Variants in CAST observed in about 807,000 individuals in gnomAD.
CAST encodes MIR583 host.
CAST carries 76 observed loss-of-function variants against 119.6 expected under a neutral mutation model. The ratio of observed to expected loss-of-function variants is 0.64; its 90% CI spans 0.53 to 0.77. CAST has a LOEUF of 0.77. CAST is among the 30% of genes least tolerant of loss of function. The pLI is 0.00. For synonymous variants in CAST, 319 were observed against 331.6 expected, an observed-to-expected ratio of 0.96 and a Z score of 0.41; for missense variants, 953 against 946.5, an observed-to-expected ratio of 1.01 and a Z score of -0.09.
chr5:96,467,520 T>C, the CAST span, among the ~76,000 whole-genome samples: 56 of 152,242 alleles, frequency 3.7e-4, no homozygotes, highest in Non-Finnish European at 6.9e-4. Context: ...GGATCTAATT[T>C]CATATTTTTC....
chr5:96,119,875 C>T, the CAST span, among the ~76,000 whole-genome samples: 7 of 152,200 alleles, frequency 4.6e-5, no homozygotes, highest in South Asian at 4.2e-4. Context: ...TTTGTGTGAC[C>T]GCTCAGCAGC....
At chr5:96,021,668 T>C in the CAST span, among the ~76,000 whole-genome samples, 41 of 152,164 alleles carry the variant, frequency 2.7e-4, 1 homozygote, top group Middle Eastern at 3.4e-3. Context: ...GGATGGTCTT[T>C]ATCTCCTGAC....
chr5:96,111,558 G>A, the CAST span, among the ~76,000 whole-genome samples: 1 of 152,160 alleles, frequency 6.6e-6, no homozygotes, highest in Non-Finnish European at 1.5e-5. Context: ...CACCTCATTA[G>A]CATAAACTCA....
At chr5:96,600,993 T>C (rs1318083043) in intron 1 of CAST, among the ~76,000 whole-genome samples, 7 of 152,190 alleles carry the variant, frequency 4.6e-5, no homozygotes, top group Non-Finnish European at 7.3e-5. Context: ...GCTTTTCTTC[T>C]GGTTTACGAA....
chr5:96,040,981 G>C, the CAST span, among the ~76,000 whole-genome samples: 3 of 152,066 alleles, frequency 2.0e-5, no homozygotes, highest in Non-Finnish European at 4.4e-5. Flanking sequence ...GTAGAATTCG[G>C]CTGTGAATCC....
At chr5:96,098,145 C>A in the CAST span, among the ~76,000 whole-genome samples, 1 of 152,146 alleles carries the variant, frequency 6.6e-6, no homozygotes, top group Admixed American at 6.5e-5. Flanking sequence ...AGTGTCTGTT[C>A]ATGTCCTTTG....
the CAST span, among the ~76,000 whole-genome samples, chr5:96,475,453 A>G: frequency 1.3e-5 from 2 of 152,214 alleles, no homozygotes; most frequent in Non-Finnish European, 2.9e-5. Context: ...GTCTTGCACC[A>G]AACGATGAGA....
chr5:96,113,752 C>A, the CAST span, among the ~76,000 whole-genome samples: 1 of 152,160 alleles, frequency 6.6e-6, no homozygotes, highest in Non-Finnish European at 1.5e-5. Context: ...CACAGGAGAC[C>A]AGAGAGCTCA....
At chr5:96,259,985 T>G in the CAST span, among the ~76,000 whole-genome samples, 1 of 152,090 alleles carries the variant, frequency 6.6e-6, no homozygotes, top group Admixed American at 6.6e-5. Flanking sequence ...TTTAACAATT[T>G]ACTCCAGGCT....
At chr5:96,434,922 T>C in the CAST span, among the ~76,000 whole-genome samples, 1 of 152,260 alleles carries the variant, frequency 6.6e-6, no homozygotes. Context: ...TTAAGTGTTT[T>C]ACAATAATGT....
intron 9 of CAST, among the ~76,000 whole-genome samples, chr5:96,732,373 G>C (rs550671206): frequency 9.0e-4 from 110 of 122,204 alleles, no homozygotes; most frequent in African/African-American, 3.1e-3. Flanking sequence ...TTGTAAATTT[G>C]TTTGAGTTCA....
At chr5:96,290,211 A>G in the CAST span, among the ~76,000 whole-genome samples, 4 of 152,192 alleles carry the variant, frequency 2.6e-5, no homozygotes, top group Non-Finnish European at 1.5e-5. Context: ...CCACGGTTAT[A>G]TAAAGGATTT....
intron 1 of CAST, among the ~76,000 whole-genome samples, chr5:96,570,176 G>A (rs1746545088): frequency 6.6e-6 from 1 of 152,208 alleles, no homozygotes; most frequent in Non-Finnish European, 1.5e-5. Flanking sequence ...AATATCCTTA[G>A]GAAGAGGACT....
intron 1 of CAST, among the ~76,000 whole-genome samples, chr5:96,547,273 T>C (rs545449237): frequency 6.6e-6 from 1 of 152,108 alleles, no homozygotes; most frequent in Non-Finnish European, 1.5e-5. Context: ...AAGCCAGTGA[T>C]GCAATTCAAT....
At chr5:96,560,148 G>T (rs1010304425) in intron 1 of CAST, among the ~76,000 whole-genome samples, 17 of 152,112 alleles carry the variant, frequency 1.1e-4, no homozygotes, top group Non-Finnish European at 2.2e-4. Context: ...AAACTGGCTA[G>T]CCATATGTAG....
chr5:95,969,330 G>C, the CAST span, among the ~76,000 whole-genome samples: 1 of 152,184 alleles, frequency 6.6e-6, no homozygotes, highest in African/African-American at 2.4e-5. Flanking sequence ...GGTGACAAAA[G>C]TATAAGTAAT....
At chr5:96,737,321 AC>A (rs771370245) in intron 10 of CAST, among the ~76,000 whole-genome samples, 184 of 139,830 alleles carry the variant, frequency 1.3e-3, no homozygotes, top group African/African-American at 4.8e-3. Context: ...GTGAACAACA[AC>A]AAAAAAAAAC....
At chr5:96,086,567 G>C in the CAST span, among the ~76,000 whole-genome samples, 16 of 152,064 alleles carry the variant, frequency 1.1e-4, no homozygotes, top group Admixed American at 5.2e-4. Context: ...ATTTTTAAAA[G>C]CTCTAAAAAT....
the CAST span, among the ~76,000 whole-genome samples, chr5:96,047,003 T>C: frequency 5.3e-5 from 8 of 152,184 alleles, no homozygotes; most frequent in Non-Finnish European, 1.0e-4. Flanking sequence ...GGAGATATAA[T>C]TCAAGTTGAG....
Sources: allele counts gnomAD v4.1 joint callset (sites outside exome capture counted in the v4.1 genomes callset), GRCh38; gene constraint gnomAD v4.1.1; transcripts MANE v1.5; gene names NCBI Gene and HGNC (gene_info 2026-07-23, HGNC 2026-07-21).